Variants in GRK7 observed in about 807,000 individuals in gnomAD.
GRK7 encodes the protein rhodopsin kinase GRK7.
Under a neutral mutation model 34.1 loss-of-function variants are expected in GRK7, and 24 were observed. That is an observed-to-expected ratio of 0.70 (90% CI 0.51 to 0.99). The LOEUF is 0.99. Among genes scored for constraint, GRK7 ranks in the 50% least tolerant of loss-of-function variants. The pLI is 0.00. For synonymous variants in GRK7, 256 were observed against 279.4 expected (o/e 0.92, Z 0.84); for missense variants, 644 against 707.3 (o/e 0.91, Z 1.02).
intron 2 of GRK7, among the ~76,000 whole-genome samples, chr3:141,776,006 C>T (rs1338401056): frequency 1.3e-5 from 2 of 152,058 alleles, no homozygotes; most frequent in Admixed American, 6.6e-5. Flanking sequence ...TGATATCGGC[C>T]AGGCACGGTG....
chr3:141,816,693 G>A, intron 5 of GRK7, 21 bp from the exon 6 acceptor site: 1 of 1,457,380 alleles, frequency 6.9e-7, no homozygotes, highest in Non-Finnish European at 9.3e-7. Context: ...GTCTCAGGCT[G>A]ATCATCTCCT....
chr3:141,772,079 GTTTTA>G (rs2084619574), intron 1 of GRK7, among the ~76,000 whole-genome samples: 1 of 151,962 alleles, frequency 6.6e-6, no homozygotes. Context: ...TGGGTATTTT[GTTTTA>G]TTTTATTTAA....
chr3:141,812,343 G>C lies in GRK7; in HGVS notation c.1326-4371G>C, dbSNP rs553465799. Among the ~76,000 whole-genome samples, 4 of 152,322 alleles carry C rather than the reference G, an allele frequency of 2.6e-5. No homozygotes were observed. The South Asian group carries it at 6.2e-4, about 24-fold the overall frequency. On this transcript the variant is annotated intron_variant, in intron 5 of 5. Transcript: ENST00000682958. ...TTCAAAGTGTACCGCACAATGATGG[G>C]CCGAAAGAGCCCTGCACAGAACTGC...
At position 141,775,063 on chromosome 3, in the gene GRK7, A is replaced by T. The variant is rs543624794; in HGVS notation, c.-114+383A>T. Among the ~76,000 whole-genome samples, 753 of 152,198 alleles carry T rather than the reference A, an allele frequency of 4.9e-3. 2 individuals carry two copies. Among genetic ancestry groups the T allele is most frequent in the African/African-American group, 0.018 (730 of 41,532 alleles). On this transcript the variant is annotated intron_variant, in intron 2 of 5. Coordinates refer to ENST00000682958, the MANE Select transcript of GRK7 (RefSeq NM_139209.3). Reference sequence around the variant, plus strand: ...CGCCTCAGCCTCCCACAGTGCTGGGATTACAGGCAGGAGCCACTGCACCCA... The same window carrying T: ...CGCCTCAGCCTCCCACAGTGCTGGGTTTACAGGCAGGAGCCACTGCACCCA...
At chr3:141,766,153 G>A (rs116262784) in intron 1 of GRK7, among the ~76,000 whole-genome samples, 3,663 of 103,056 alleles carry the variant, frequency 0.036, 138 homozygotes, top group African/African-American at 0.11. Context: ...ACATTTACAC[G>A]CTTAACTTAA....
chr3:141,777,650 G>A (rs1301035058), intron 2 of GRK7, among the ~76,000 whole-genome samples: 1 of 151,776 alleles, frequency 6.6e-6, no homozygotes. Context: ...GACAGCTGCA[G>A]GATTTCTGCA....
In GRK7 at chr3:141,816,735, G is replaced by A; in HGVS notation, c.1347G>A (p.Arg449=). The A allele has an allele frequency of 1.3e-6, 2 of 1,536,668 alleles. No individual in the cohort carries two copies. Among genetic ancestry groups the A allele is most frequent in the South Asian group, 2.6e-5 (2 of 77,098 alleles). Residue 449 remains arginine, a synonymous_variant, in exon 6 of 6, where the codon AGG becomes AGA. Transcript: ENST00000682958. The stretch of plus-strand genomic sequence containing the variant: ...ACAGAGAAAAGTCTGATGATCCCAG[G>A]AAACATCATTTCTTTAAAACGATCA... ...LGSREKSDDP[R]KHHFFKTINF... is the part of the protein sequence containing the mutation.
rs1559850077 is a variant in GRK7, at chr3:141,817,655, CAT to C, written c.*607_*608del. On this transcript the variant is annotated 3_prime_UTR_variant, in exon 6 of 6. Coordinates refer to ENST00000682958, the MANE Select transcript of GRK7 (RefSeq NM_139209.3). ...TATCATAATGTTGAAGCATTTTAAA[CAT>C]AAACATCCATGACATCTGTGAATTA... is the stretch of plus-strand genomic sequence containing the variant. 6.6e-6 allele frequency: 1 copy of C among 152,184 alleles called. No homozygotes were observed. Among genetic ancestry groups the C allele is most frequent in the African/African-American group, 2.4e-5 (1 of 41,446 alleles). The allele number at this position is 152,184 out of a possible 1,614,324, so 9.4% of individuals were successfully genotyped here. A position where few individuals can be genotyped will look rare whatever the true frequency, so the allele number is the denominator to read the frequency against.
rs1293374107 is a variant in GRK7, at chr3:141,791,987, G to C, written c.1050+11176G>C. On this transcript the variant is annotated intron_variant, in intron 4 of 5. Transcript: ENST00000682958. The stretch of plus-strand genomic sequence containing the variant: ...CCATTGCACTCCAGCCTGGGAGACA[G>C]AGCGAGACTCCATCTAAAAAAAAAA... 4.0e-5 allele frequency among the ~76,000 whole-genome samples: 5 copies of C among 126,064 alleles called. No individual in the cohort carries two copies. The East Asian group carries it at 7.0e-4, about 18-fold the overall frequency. 82.7% of individuals were successfully genotyped at this position (126,064 alleles called of 152,430 possible).
intron 4 of GRK7, among the ~76,000 whole-genome samples, chr3:141,807,003 T>C (rs1559847574): frequency 6.6e-6 from 1 of 152,110 alleles, no homozygotes. Flanking sequence ...TTGGCATATA[T>C]TGTCAGTAGA....
At chr3:141,762,587 C>A (rs1254175971), upstream of GRK7, among the ~76,000 whole-genome samples, 6 of 151,486 alleles carry the variant, frequency 4.0e-5, no homozygotes, top group Non-Finnish European at 5.9e-5. Flanking sequence ...TGCCCTGCCC[C>A]CAGAGCTGGA....
chr3:141,756,335 G>GT, the GRK7 span, among the ~76,000 whole-genome samples: 1 of 130,656 alleles, frequency 7.7e-6, no homozygotes, highest in African/African-American at 3.0e-5. Flanking sequence ...AAGGTGGGGG[G>GT]GTGAAAACAA....
intron 4 of GRK7, among the ~76,000 whole-genome samples, chr3:141,790,564 C>CT (rs10540138): frequency 0.019 from 2,613 of 141,224 alleles, 83 homozygotes; most frequent in African/African-American, 0.06. Context: ...TCTACATGCA[C>CT]TTTTTTTTTT....
At chr3:141,781,429 C>T (rs931523298) in intron 4 of GRK7, among the ~76,000 whole-genome samples, 3 of 151,240 alleles carry the variant, frequency 2.0e-5, no homozygotes, top group East Asian at 1.9e-4. Context: ...CCCAGCTACT[C>T]GGGAGGTTGA....
intron 4 of GRK7, among the ~76,000 whole-genome samples, chr3:141,795,463 C>T (rs17787796): frequency 0.033 from 5,021 of 152,340 alleles, 100 homozygotes; most frequent in Middle Eastern, 0.11. Context: ...AGTCGCAGAA[C>T]AGAGTGGCTT....
At chr3:141,798,367 T>G (rs2107888329) in intron 4 of GRK7, among the ~76,000 whole-genome samples, 1 of 152,314 alleles carries the variant, frequency 6.6e-6, no homozygotes, top group South Asian at 2.1e-4. Flanking sequence ...GGTTTTTGCC[T>G]GACCAGGTGT....
rs2084581634 is a variant in GRK7, at chr3:141,766,464, GT to G, written c.-215+732del. 2.0e-5 allele frequency among the ~76,000 whole-genome samples: 3 copies of G among 152,086 alleles called. No individual in the cohort carries two copies. In the South Asian group the frequency reaches 6.2e-4, roughly 32 times the overall value. Reference sequence around the variant, plus strand: ...AGGCGTGAGCCAACGCACCTAGCCAGTTTTTTCTTATAACTTCCTTATTCTC... The same window carrying G: ...AGGCGTGAGCCAACGCACCTAGCCAGTTTTTCTTATAACTTCCTTATTCTC... On this transcript the variant is annotated intron_variant, in intron 1 of 5. Transcript: ENST00000682958.
At chr3:141,786,337 T>C (rs1167191316) in intron 4 of GRK7, among the ~76,000 whole-genome samples, 3 of 152,252 alleles carry the variant, frequency 2.0e-5, no homozygotes, top group African/African-American at 7.2e-5. Flanking sequence ...GTAGACAAAA[T>C]TCTAAGATGG....
chr3:141,777,482 G>C (rs1201841350), intron 2 of GRK7, among the ~76,000 whole-genome samples: 1 of 93,146 alleles, frequency 1.1e-5, no homozygotes, highest in African/African-American at 5.0e-5. Context: ...CCGCCATCAA[G>C]CCCGGCTAAT....
Sources: allele counts gnomAD v4.1 joint callset (sites outside exome capture counted in the v4.1 genomes callset), GRCh38; gene constraint gnomAD v4.1.1; transcripts MANE v1.5; gene names NCBI Gene and HGNC (gene_info 2026-07-23, HGNC 2026-07-21).